The following EYS variants were observed in gnomAD, a reference collection of about 807,000 sequenced individuals.
EYS encodes the protein EGF-like photoreceptor maintenance factor.
In EYS, 250 loss-of-function variants were observed where a neutral mutation model predicts 282.1. The observed-to-expected ratio is 0.89, with a 90% CI of 0.80 to 0.98. The LOEUF is 0.98. EYS is among the 50% of genes least tolerant of loss of function. The pLI is 0.00. For missense variants in EYS, 4,016 were observed against 3,709.0 expected (o/e 1.08, Z -2.15); for synonymous variants, 1,355 against 1,282.9 (o/e 1.06, Z -1.20).
intron 12 of EYS, among the ~76,000 whole-genome samples, chr6:65,224,709 T>G (rs555644843): frequency 6.6e-6 from 1 of 152,090 alleles, no homozygotes; most frequent in Non-Finnish European, 1.5e-5. Flanking sequence ...GAAATGAAAT[T>G]GCAGATGGGG....
chr6:63,845,072 G>GTTT (rs1772063489), intron 36 of EYS, among the ~76,000 whole-genome samples: 2 of 152,206 alleles, frequency 1.3e-5, no homozygotes, highest in East Asian at 3.9e-4. Flanking sequence ...TCAGTTTTCT[G>GTTT]CATTTGGGTG....
chr6:64,845,600 T>A (rs1765694769), intron 19 of EYS, among the ~76,000 whole-genome samples: 1 of 152,008 alleles, frequency 6.6e-6, no homozygotes, highest in Non-Finnish European at 1.5e-5. Flanking sequence ...GCTCCCAACT[T>A]CGGGAATTTC....
chr6:65,152,801 A>G (rs1467109105), intron 12 of EYS, among the ~76,000 whole-genome samples: 2 of 151,662 alleles, frequency 1.3e-5, no homozygotes, highest in African/African-American at 4.8e-5. Flanking sequence ...AATGTAAAAT[A>G]AAAAATGATA....
rs571684653 is a variant in EYS at position 64,905,615 on chromosome 6, C to T, written c.2642-3115G>A. Among the ~76,000 whole-genome samples the T allele has an allele frequency of 9.8e-5, 15 of 152,298 alleles. No homozygotes were observed. In the South Asian group the frequency reaches 2.9e-3, roughly 29 times the overall value. ...ACACAAAATTGATTTTTAAAACCTACTGCTCAAATGTAAGATCTGCATCAG... is the reference window on the plus strand; with the variant it reads ...ACACAAAATTGATTTTTAAAACCTATTGCTCAAATGTAAGATCTGCATCAG... On this transcript the variant is annotated intron_variant, in intron 16 of 42. Transcript: ENST00000503581.
intron 14 of EYS, among the ~76,000 whole-genome samples, chr6:64,991,705 C>T (rs763581122): frequency 7.9e-5 from 12 of 151,576 alleles, no homozygotes; most frequent in Non-Finnish European, 1.6e-4. Context: ...AGACTTTATT[C>T]TGCTTGTCTT....
intron 14 of EYS, among the ~76,000 whole-genome samples, chr6:64,966,622 A>G (rs1256804863): frequency 6.6e-6 from 1 of 152,144 alleles, no homozygotes; most frequent in Non-Finnish European, 1.5e-5. Flanking sequence ...CTGCTTTCTT[A>G]TCATCCTTGG....
intron 29 of EYS, among the ~76,000 whole-genome samples, chr6:64,342,472 A>C (rs890412393): frequency 6.6e-6 from 1 of 151,984 alleles, no homozygotes; most frequent in Non-Finnish European, 1.5e-5. Flanking sequence ...ACTAAGCTTC[A>C]TAAGTGAAGG....
intron 13 of EYS, among the ~76,000 whole-genome samples, chr6:65,029,627 C>A (rs184573041): frequency 6.6e-6 from 1 of 152,118 alleles, no homozygotes; most frequent in Non-Finnish European, 1.5e-5. Context: ...TCTTCCTCCT[C>A]CTCCGAGGTC....
At chr6:64,366,857 C>T (rs1039391616) in intron 29 of EYS, among the ~76,000 whole-genome samples, 17 of 151,942 alleles carry the variant, frequency 1.1e-4, no homozygotes. Flanking sequence ...CATTTCTTTT[C>T]GTTGATCATG....
intron 22 of EYS, among the ~76,000 whole-genome samples, chr6:64,668,099 A>G (rs1264987191): frequency 6.6e-6 from 1 of 152,182 alleles, no homozygotes; most frequent in African/African-American, 2.4e-5. Context: ...TCACCTATAG[A>G]ATATTTGGAA....
chr6:64,995,832 A>C (rs900244398), intron 14 of EYS, among the ~76,000 whole-genome samples: 1 of 151,978 alleles, frequency 6.6e-6, no homozygotes, highest in African/African-American at 2.4e-5. Flanking sequence ...TAGATAAATG[A>C]GACAAGAATA....
intron 31 of EYS, among the ~76,000 whole-genome samples, chr6:64,190,507 G>C (rs1582403338): frequency 6.6e-6 from 1 of 152,124 alleles, no homozygotes; most frequent in East Asian, 1.9e-4. Flanking sequence ...CATTGAGAAA[G>C]GCATGGTGCA....
chr6:64,613,613 C>T (rs1767177582), intron 24 of EYS, among the ~76,000 whole-genome samples: 1 of 152,068 alleles, frequency 6.6e-6, no homozygotes, highest in Admixed American at 6.6e-5. Context: ...AGCAGAAATT[C>T]AGAAGCAGAA....
chr6:65,550,143 C>CTTTCTTTTTTTTTTT lies in EYS; in HGVS notation c.-332-54151_-332-54150insAAAAAAAAAAAGAAA, dbSNP rs1562254227. 1.0e-3 allele frequency among the ~76,000 whole-genome samples: 6 copies of CTTTCTTTTTTTTTTT among 5,958 alleles called. 1 individual carries two copies. Among genetic ancestry groups the CTTTCTTTTTTTTTTT allele is most frequent in the East Asian group, 8.5e-3 (1 of 118 alleles). The allele number at this position is 5,958 out of a possible 152,430, so 3.9% of individuals were successfully genotyped here. A position where few individuals can be genotyped will look rare whatever the true frequency, so the allele number is the denominator to read the frequency against. Reference sequence around the variant, plus strand: ...AAGTTAGTATCTGACTCTACTATATCTTTTTTTTTTTTTTTTTTTTTTTTT... The same window carrying CTTTCTTTTTTTTTTT: ...AAGTTAGTATCTGACTCTACTATATCTTTCTTTTTTTTTTTTTTTTTTTTTTTTTTTTTTTTTTTT... On this transcript the variant is annotated intron_variant, in intron 2 of 42. Transcript: ENST00000503581.
chr6:65,589,303 T>G (rs150501246), intron 2 of EYS, among the ~76,000 whole-genome samples: 1,763 of 152,192 alleles, frequency 0.012, 17 homozygotes, highest in Non-Finnish European at 0.018. Context: ...CTGCTTTGAA[T>G]TCCTCTCATT....
At chr6:64,695,656 C>T (rs62418029) in intron 22 of EYS, among the ~76,000 whole-genome samples, 8,538 of 149,362 alleles carry the variant, frequency 0.057, 306 homozygotes, top group East Asian at 0.15. Context: ...ATGATCTTAG[C>T]TCACTGCAAC....
intron 2 of EYS, among the ~76,000 whole-genome samples, chr6:65,541,379 A>G (rs539454381): frequency 1.4e-5 from 2 of 145,592 alleles, no homozygotes; most frequent in African/African-American, 5.2e-5. Flanking sequence ...TTGTTCATGA[A>G]TCAATATTTG....
chr6:65,492,309 G>C (rs1766076257), intron 4 of EYS, among the ~76,000 whole-genome samples: 1 of 129,928 alleles, frequency 7.7e-6, no homozygotes, highest in South Asian at 2.8e-4. Context: ...AAGAGAAAGA[G>C]AGAGAAAGAA....
chr6:65,658,237 T>A (rs1767892894), intron 1 of EYS, among the ~76,000 whole-genome samples: 1 of 151,566 alleles, frequency 6.6e-6, no homozygotes, highest in South Asian at 2.1e-4. Context: ...CTATATGAGC[T>A]CAAGGAGATA....
Sources: gnomAD v4.1 joint callset for allele counts (sites outside exome capture counted in the v4.1 genomes callset) on GRCh38, gnomAD v4.1.1 for gene constraint, MANE v1.5 for transcripts, NCBI Gene and HGNC (gene_info 2026-07-23, HGNC 2026-07-21) for gene names.